Variants in DISP3 observed in about 807,000 individuals in gnomAD.
The protein encoded by DISP3 is dispatched RND transporter family member 3.
Under a neutral mutation model 135.3 loss-of-function variants are expected in DISP3, and 101 were observed. The observed-to-expected ratio is 0.75, with a 90% CI of 0.64 to 0.88. The LOEUF (loss-of-function observed/expected upper bound fraction) is 0.88, where lower values mean the gene tolerates loss of function less well. Ranked by LOEUF, DISP3 falls within the 40% of genes least tolerant of loss-of-function variation. The pLI is 0.00. For synonymous variants in DISP3, 856 were observed against 817.0 expected (o/e 1.05, Z -0.81); for missense variants, 1,713 against 1,878.6 (o/e 0.91, Z 1.63).
chr1:11,514,413 G>T lies in DISP3; in HGVS notation c.1340G>T (p.Gly447Val). The T allele has an allele frequency of 6.2e-7, 1 of 1,613,152 alleles. No individual in the cohort carries two copies. Among genetic ancestry groups the T allele is most frequent in the Middle Eastern group, 1.7e-4 (1 of 6,060 alleles). ...STSKVQVLYG[G>V]TDLFDYEVRR... ...AGCAAAGTCCAGGTTCTCTATGGGG[G>T]GACAGACCTGTTTGACTATGAAGTG... Residue 447 changes from glycine to valine, a missense_variant, in exon 4 of 21, where the codon GGG (glycine) becomes GTG (valine). By Grantham distance (109) the Gly-to-Val change is moderately radical. Transcript: ENST00000294484.
rs1641943875 is a variant in DISP3 at position 11,514,445 on chromosome 1, A to G, written c.1372A>G (p.Thr458Ala). 1 of 1,613,646 alleles carries G rather than the reference A, an allele frequency of 6.2e-7. No homozygotes were observed. The highest frequency in any genetic ancestry group is 1.3e-5 in the African/African-American group (1 of 74,922). The change falls in exon 4 of 21, where the codon ACG (threonine) becomes GCG (alanine). Residue 458 changes from threonine (T) to alanine (A), a missense_variant. Physicochemically the swap from Thr to Ala is moderately conservative, Grantham distance 58. Transcript: ENST00000294484. ...CCTGTTTGACTATGAAGTGCGCAGG[A>G]CGTTCAACAATGACATGCTCCTGGC... ...TDLFDYEVRR[T>A]FNNDMLLAFI...
At chr1:11,497,735 G>T (rs767094602) in intron 1 of DISP3, among the ~76,000 whole-genome samples, 1 of 152,120 alleles carries the variant, frequency 6.6e-6, no homozygotes, top group African/African-American at 2.4e-5. Flanking sequence ...TAGCTCCCAC[G>T]TATCAGTGAG....
At position 11,491,426 on chromosome 1, in the gene DISP3, G is replaced by T. The variant is rs192537815; in HGVS notation, c.-3-9564G>T. Among the ~76,000 whole-genome samples, 2 of 152,170 alleles carry T rather than the reference G, an allele frequency of 1.3e-5. No homozygotes were observed. The highest frequency in any genetic ancestry group is 2.1e-4 in the South Asian group (1 of 4,818). ...ATCAGCCTGGGCAACCTAGCAAAACGCCATCTTTACAAAAAATTAAAAACA... is the reference window on the plus strand; with the variant it reads ...ATCAGCCTGGGCAACCTAGCAAAACTCCATCTTTACAAAAAATTAAAAACA... On this transcript the variant is annotated intron_variant, in intron 1 of 20. Coordinates refer to ENST00000294484, the MANE Select transcript of DISP3 (RefSeq NM_020780.2). This position sits in a 1 kb window ranked among gnomAD's most constrained non-coding sequence, Gnocchi z 4.3.
In DISP3 at chr1:11,500,963, C is replaced by T. The variant is rs1400552969; in HGVS notation, c.-3-27C>T. 10 of 1,610,844 alleles carry T rather than the reference C, an allele frequency of 6.2e-6. No homozygotes were observed. In the East Asian group the frequency reaches 1.6e-4, roughly 25 times the overall value. ...CACCTTCCCCTCACTGTCTCTCTAGCCTGCTGACCCTCTCCCTCTCCTGCA... is the reference window on the plus strand; with the variant it reads ...CACCTTCCCCTCACTGTCTCTCTAGTCTGCTGACCCTCTCCCTCTCCTGCA... On this transcript the variant is annotated intron_variant, in intron 1 of 20. Transcript: ENST00000294484.
At chr1:11,490,795 G>T (rs1011694715) in intron 1 of DISP3, among the ~76,000 whole-genome samples, 7 of 152,184 alleles carry the variant, frequency 4.6e-5, no homozygotes, top group African/African-American at 1.7e-4. Flanking sequence ...CTCCAATCCA[G>T]CTCAGCTCTG....
intron 10 of DISP3, among the ~76,000 whole-genome samples, chr1:11,522,640 G>GCAAGGA (rs1642247135): frequency 2.3e-5 from 1 of 44,284 alleles, no homozygotes; most frequent in African/African-American, 1.1e-4. Flanking sequence ...CCCAGCCAGA[G>GCAAGGA]CCCAGCCAGG....
intron 1 of DISP3, chr1:11,481,997 T>C (rs1640916479): frequency 6.6e-6 from 1 of 152,226 alleles, no homozygotes; most frequent in African/African-American, 2.4e-5. Context: ...CTGGTTCTGC[T>C]GGTAGATGTG....
At position 11,514,763 on chromosome 1, in the gene DISP3, C is replaced by T. The variant is rs184873278; in HGVS notation, c.1453+237C>T. 3.3e-5 allele frequency among the ~76,000 whole-genome samples: 5 copies of T among 152,362 alleles called. No homozygotes were observed. The East Asian group carries it at 9.6e-4, about 29-fold the overall frequency. On this transcript the variant is annotated intron_variant, in intron 4 of 20. Transcript: ENST00000294484. ...TACCCTGGGCCCCTGCACAGTTGGA[C>T]CTTTTGCCTGTTGACCATCTTTCTC...
At position 11,514,541 on chromosome 1, in the gene DISP3, A is replaced by G; in HGVS notation, c.1453+15A>G. ...CTCCTGCTCAGGTAGGGCTTCTCTC[A>G]AGCCAGCCCCCTCCTCCCCTCCCAG... On this transcript the variant is annotated intron_variant, in intron 4 of 20. Transcript: ENST00000294484. The G allele has an allele frequency of 1.2e-6, 2 of 1,609,326 alleles. No individual in the cohort carries two copies. Among genetic ancestry groups the G allele is most frequent in the Non-Finnish European group, 1.7e-6 (2 of 1,176,508 alleles).
chr1:11,512,689 A>G (rs1455975374), intron 3 of DISP3, among the ~76,000 whole-genome samples: 1 of 152,166 alleles, frequency 6.6e-6, no homozygotes, highest in African/African-American at 2.4e-5. Flanking sequence ...CCCAGTTCCA[A>G]AGTTGCTTCC....
At position 11,499,515 on chromosome 1, in the gene DISP3, T is replaced by C. The variant is rs1379488089; in HGVS notation, c.-3-1475T>C. On this transcript the variant is annotated intron_variant, in intron 1 of 20. Transcript: ENST00000294484. The surrounding 1 kb of genome is among the most constrained non-coding windows in gnomAD (Gnocchi z 5.2). Reference sequence around the variant, plus strand: ...AAGCTGGCAGGCTCGTGTTAGGGCGTTGCAAATGGGAAGTTTAATTATTTC... The same window carrying C: ...AAGCTGGCAGGCTCGTGTTAGGGCGCTGCAAATGGGAAGTTTAATTATTTC... Among the ~76,000 whole-genome samples the C allele has an allele frequency of 6.6e-6, 1 of 152,114 alleles. No individual in the cohort carries two copies. The highest frequency in any genetic ancestry group is 1.9e-4 in the East Asian group (1 of 5,188).
intron 3 of DISP3, among the ~76,000 whole-genome samples, chr1:11,504,192 C>G (rs999919395): frequency 4.6e-5 from 7 of 152,208 alleles, no homozygotes; most frequent in Admixed American, 1.3e-4. Flanking sequence ...TTTATACATA[C>G]CAGCTCATTT....
intron 1 of DISP3, among the ~76,000 whole-genome samples, chr1:11,486,413 G>A (rs1333439241): frequency 2.0e-5 from 3 of 152,192 alleles, no homozygotes; most frequent in Non-Finnish European, 2.9e-5. Context: ...TTTAGCCGGG[G>A]AAGCTGGGAA....
rs2100470741 is a variant in DISP3 at position 11,520,280 on chromosome 1, T to C, written c.2200+400T>C. ...GGCAGCTGTCAGTGGAGAGTATGTA[T>C]AAAGACCTCAGCCCAGCGCGTGGCG... On this transcript the variant is annotated intron_variant, in intron 9 of 20. Transcript: ENST00000294484. This position sits in a 1 kb window ranked among gnomAD's most constrained non-coding sequence, Gnocchi z 4.8. 6.6e-6 allele frequency among the ~76,000 whole-genome samples: 1 copy of C among 152,276 alleles called. No homozygotes were observed. Among genetic ancestry groups the C allele is most frequent in the East Asian group, 1.9e-4 (1 of 5,182 alleles).
intron 3 of DISP3, among the ~76,000 whole-genome samples, chr1:11,503,841 G>A (rs542218010): frequency 1.3e-5 from 2 of 152,286 alleles, no homozygotes; most frequent in Non-Finnish European, 2.9e-5. Context: ...TGTTCCTATC[G>A]TTAAAATGGA....
At chr1:11,481,891 G>A (rs1640913535) in intron 1 of DISP3, 1 of 152,198 alleles carries the variant, frequency 6.6e-6, no homozygotes, top group African/African-American at 2.4e-5. Context: ...TAGGACCAGA[G>A]ATGTCAAGTA....
chr1:11,515,264 G>A (rs1570112556), intron 4 of DISP3, 105 bp from the exon 5 acceptor site: 4 of 1,439,032 alleles, frequency 2.8e-6, no homozygotes, highest in East Asian at 2.4e-5. Flanking sequence ...TGGTGACCAG[G>A]GTTGGGGAGA....
chr1:11,532,696 T>A (rs1403289346), intron 17 of DISP3, among the ~76,000 whole-genome samples: 2 of 152,040 alleles, frequency 1.3e-5, no homozygotes, highest in Non-Finnish European at 2.9e-5. Flanking sequence ...TCTTAACCGG[T>A]TTTTTTGTTT....
At chr1:11,494,741 G>A (rs1039632463) in intron 1 of DISP3, among the ~76,000 whole-genome samples, 2 of 152,210 alleles carry the variant, frequency 1.3e-5, no homozygotes, top group African/African-American at 2.4e-5. Flanking sequence ...AGAAAAAGCT[G>A]ATTAGCTCCT....
Sources: gnomAD v4.1 joint callset for allele counts (sites outside exome capture counted in the v4.1 genomes callset) on GRCh38, gnomAD v4.1.1 for gene constraint, Gnocchi (gnomAD v3.1) non-coding constraint, MANE v1.5 for transcripts, NCBI Gene and HGNC (gene_info 2026-07-23, HGNC 2026-07-21) for gene names.